Variants in NRXN1 observed in about 807,000 individuals in gnomAD.
NRXN1 encodes the protein neurexin-1.
NRXN1 carries 39 observed loss-of-function variants against 150.9 expected under a neutral mutation model. The ratio of observed to expected loss-of-function variants is 0.26; its 90% CI spans 0.20 to 0.34. The LOEUF is 0.34. NRXN1 is among the 10% of genes least tolerant of loss of function. NRXN1 has a pLI of 1.00. For synonymous variants in NRXN1, 924 were observed against 757.0 expected (o/e 1.22, Z -3.62); for missense variants, 1,815 against 1,949.9 (o/e 0.93, Z 1.30).
intron 2 of NRXN1, among the ~76,000 whole-genome samples, chr2:50,951,977 T>G (rs1343957381): frequency 7.3e-6 from 1 of 136,812 alleles, no homozygotes; most frequent in Non-Finnish European, 1.6e-5. Context: ...TTTTTTTTTT[T>G]TTTTTTTGAG....
intron 21 of NRXN1, among the ~76,000 whole-genome samples, chr2:50,027,380 T>TCCTC (rs113335146): frequency 0.68 from 92,303 of 135,344 alleles, 31,322 homozygotes; most frequent in Middle Eastern, 0.73. Flanking sequence ...CTTCCTTCCT[T>TCCTC]CCTCCCTCCC....
chr2:50,060,384 G>A (rs908511382), intron 19 of NRXN1, among the ~76,000 whole-genome samples: 2 of 152,144 alleles, frequency 1.3e-5, no homozygotes, highest in Admixed American at 1.3e-4. Flanking sequence ...ACGGAATCTA[G>A]GAAGTACCCA....
intron 5 of NRXN1, among the ~76,000 whole-genome samples, chr2:50,822,541 T>C (rs938733133): frequency 2.6e-5 from 4 of 152,122 alleles, no homozygotes; most frequent in Admixed American, 1.3e-4. Flanking sequence ...CTATAGATCC[T>C]TTAATGACCT....
At chr2:50,647,878 A>C (rs1264674880) in intron 5 of NRXN1, among the ~76,000 whole-genome samples, 1 of 151,958 alleles carries the variant, frequency 6.6e-6, no homozygotes, top group Non-Finnish European at 1.5e-5. Context: ...TAAGCTAAGC[A>C]AAATAAATGT....
chr2:49,935,050 T>C (rs1049366588), intron 22 of NRXN1, among the ~76,000 whole-genome samples: 1 of 152,224 alleles, frequency 6.6e-6, no homozygotes, highest in Non-Finnish European at 1.5e-5. Context: ...ATTTATGATA[T>C]GGTTTACTAT....
intron 17 of NRXN1, among the ~76,000 whole-genome samples, chr2:50,245,234 C>G (rs1344594825): frequency 6.6e-6 from 1 of 151,934 alleles, no homozygotes; most frequent in Non-Finnish European, 1.5e-5. Context: ...GCTTAAAAGG[C>G]TCTTGGTCCA....
intron 2 of NRXN1, among the ~76,000 whole-genome samples, chr2:50,984,136 T>G (rs1046342615): frequency 1.8e-4 from 13 of 71,476 alleles, no homozygotes; most frequent in African/African-American, 1.4e-3. Flanking sequence ...CCAGGCTAAT[T>G]TTTTTTTTTT....
intron 2 of NRXN1, among the ~76,000 whole-genome samples, chr2:50,994,837 G>T (rs904000440): frequency 1.3e-5 from 2 of 151,764 alleles, no homozygotes; most frequent in Admixed American, 6.6e-5. Context: ...GCAAGCACAG[G>T]ATACAAAATA....
intron 2 of NRXN1, among the ~76,000 whole-genome samples, chr2:50,972,445 T>C (rs1300180586): frequency 6.6e-6 from 1 of 152,098 alleles, no homozygotes; most frequent in Non-Finnish European, 1.5e-5. Flanking sequence ...ATCCCAAACC[T>C]TTTTGGCACC....
At position 50,544,679 on chromosome 2, in the gene NRXN1, A is replaced by G. The variant is rs111878851; in HGVS notation, c.1760-6043T>C. ...AATGTAAATTGAAACAGCAGTTAGTAAACTAACCTGTCATTGTCTTTCAAA... is the reference window on the plus strand; with the variant it reads ...AATGTAAATTGAAACAGCAGTTAGTGAACTAACCTGTCATTGTCTTTCAAA... On this transcript the variant is annotated intron_variant, in intron 9 of 22. Transcript: ENST00000401669. 4.3e-3 allele frequency among the ~76,000 whole-genome samples: 652 copies of G among 152,290 alleles called. 1 individual carries two copies. The highest frequency in any genetic ancestry group is 0.014 in the African/African-American group (591 of 41,574).
intron 5 of NRXN1, among the ~76,000 whole-genome samples, chr2:50,826,218 G>A (rs150959867): frequency 6.6e-6 from 1 of 152,290 alleles, no homozygotes; most frequent in East Asian, 1.9e-4. Context: ...CACTAAAAAG[G>A]TAGCATCTGA....
chr2:50,092,603 A>G (rs1320223767), intron 18 of NRXN1, among the ~76,000 whole-genome samples: 1 of 152,174 alleles, frequency 6.6e-6, no homozygotes, highest in East Asian at 1.9e-4. Flanking sequence ...TTTGGGCCAC[A>G]TTCTCTTGAC....
At chr2:50,876,044 G>C (rs1678543353) in intron 5 of NRXN1, among the ~76,000 whole-genome samples, 1 of 151,782 alleles carries the variant, frequency 6.6e-6, no homozygotes, top group Non-Finnish European at 1.5e-5. Flanking sequence ...CTGTCATGCT[G>C]GGTGCAGGAG....
At chr2:50,627,170 A>G (rs536227864) in intron 5 of NRXN1, among the ~76,000 whole-genome samples, 2 of 151,970 alleles carry the variant, frequency 1.3e-5, no homozygotes, top group African/African-American at 4.8e-5. Flanking sequence ...AACTGTAATA[A>G]GTTTCTTTTG....
rs774310325 is a variant in NRXN1, at chr2:49,951,193, TTTAA to T, written c.4129-7406_4129-7403del. Among the ~76,000 whole-genome samples, 36 of 151,914 alleles carry T rather than the reference TTTAA, an allele frequency of 2.4e-4. 1 individual carries two copies. Among genetic ancestry groups the T allele is most frequent in the Non-Finnish European group, 4.7e-4 (32 of 67,902 alleles). ...TGGAAATAATGTCACAGAAATGCAC[TTTAA>T]TTAAGTTATGGGGAAAAGAATAAAA... On this transcript the variant is annotated intron_variant, in intron 21 of 22. Transcript: ENST00000401669.
intron 5 of NRXN1, among the ~76,000 whole-genome samples, chr2:50,704,316 T>A (rs532223077): frequency 6.6e-6 from 1 of 152,150 alleles, no homozygotes; most frequent in African/African-American, 2.4e-5. Context: ...AAAATATATA[T>A]TATTCATCTT....
chr2:50,700,266 C>A (rs528037112), intron 5 of NRXN1, among the ~76,000 whole-genome samples: 35 of 152,204 alleles, frequency 2.3e-4, no homozygotes, highest in Admixed American at 2.2e-3. Context: ...GAAAAGTAAC[C>A]AGCACCTGAC....
At chr2:50,471,024 T>C (rs2089404784) in intron 16 of NRXN1, among the ~76,000 whole-genome samples, 1 of 151,880 alleles carries the variant, frequency 6.6e-6, no homozygotes, top group South Asian at 2.1e-4. Flanking sequence ...AACTGAATAG[T>C]GCTTTGAGAA....
At chr2:50,931,725 G>T (rs1215426477) in intron 2 of NRXN1, among the ~76,000 whole-genome samples, 2 of 151,974 alleles carry the variant, frequency 1.3e-5, no homozygotes, top group Non-Finnish European at 1.5e-5. Context: ...ATTTACATGT[G>T]TCAGTTTATG....
Sources: gnomAD v4.1 joint callset for allele counts (sites outside exome capture counted in the v4.1 genomes callset) on GRCh38, gnomAD v4.1.1 for gene constraint, MANE v1.5 for transcripts, NCBI Gene and HGNC (gene_info 2026-07-23, HGNC 2026-07-21) for gene names.